Variants in RSRC1 observed in about 807,000 individuals in gnomAD.
The protein encoded by RSRC1 is serine/Arginine-related protein 53.
A neutral mutation model predicts 49.1 loss-of-function variants in RSRC1; 39 were observed. That is an observed-to-expected ratio of 0.79 (90% CI 0.61 to 1.04). The LOEUF (loss-of-function observed/expected upper bound fraction) is 1.04. Among genes scored for constraint, RSRC1 ranks in the 50% least tolerant of loss-of-function variants. The probability of loss-of-function intolerance (pLI) is 0.00; values close to 1 mark genes in which losing one functional copy is unlikely to be tolerated. For synonymous variants in RSRC1, 143 were observed against 130.8 expected (o/e 1.09, Z -0.63); for missense variants, 388 against 402.4 (o/e 0.96, Z 0.31).
intron 4 of RSRC1, among the ~76,000 whole-genome samples, chr3:158,221,396 T>G (rs530307155): frequency 7.9e-4 from 120 of 151,560 alleles, no homozygotes; most frequent in African/African-American, 2.8e-3. Context: ...CATTAGATTC[T>G]GCATTAGAGT....
chr3:158,355,942 A>G (rs1378455718), intron 6 of RSRC1, among the ~76,000 whole-genome samples: 2 of 151,770 alleles, frequency 1.3e-5, no homozygotes, highest in Admixed American at 6.6e-5. Flanking sequence ...ATTTTTTCCT[A>G]TACATACATA....
intron 6 of RSRC1, among the ~76,000 whole-genome samples, chr3:158,403,145 G>A (rs2108311140): frequency 6.6e-6 from 1 of 151,924 alleles, no homozygotes; most frequent in East Asian, 1.9e-4. Context: ...CTCTGACAGA[G>A]CTCTACAATA....
At chr3:158,133,376 A>G (rs1716162100) in intron 3 of RSRC1, among the ~76,000 whole-genome samples, 1 of 152,218 alleles carries the variant, frequency 6.6e-6, no homozygotes, top group Admixed American at 6.5e-5. Context: ...CATATCTTAA[A>G]AGTCAAGAAG....
At chr3:158,391,922 A>G (rs1298688989) in intron 6 of RSRC1, among the ~76,000 whole-genome samples, 1 of 152,108 alleles carries the variant, frequency 6.6e-6, no homozygotes, top group Non-Finnish European at 1.5e-5. Flanking sequence ...TTTATAATGT[A>G]AAGCACAGCT....
chr3:158,383,923 TA>T (rs1182206474), intron 6 of RSRC1, among the ~76,000 whole-genome samples: 4 of 151,960 alleles, frequency 2.6e-5, no homozygotes, highest in Admixed American at 6.6e-5. Context: ...TTTTTGGTAT[TA>T]AAAAAAGAAA....
intron 4 of RSRC1, among the ~76,000 whole-genome samples, chr3:158,232,617 A>G (rs540329022): frequency 2.0e-5 from 3 of 152,176 alleles, no homozygotes; most frequent in Non-Finnish European, 4.4e-5. Context: ...TATGGCTTGT[A>G]TTATAACACC....
At position 158,191,307 on chromosome 3, in the gene RSRC1, A is replaced by G. The variant is rs116401496; in HGVS notation, c.321-11765A>G. On this transcript the variant is annotated intron_variant, in intron 3 of 9. Coordinates refer to ENST00000611884, the MANE Select transcript of RSRC1 (RefSeq NM_001271838.2). ...ATGGAATCCATGTTATTTTTGTTCAATGTGTAATTATTTAATTTTAATTAC... is the reference window on the plus strand; with the variant it reads ...ATGGAATCCATGTTATTTTTGTTCAGTGTGTAATTATTTAATTTTAATTAC... Among the ~76,000 whole-genome samples, 798 of 152,218 alleles carry G rather than the reference A, an allele frequency of 5.2e-3. 12 individuals are homozygous for G. The highest frequency in any genetic ancestry group is 0.018 in the African/African-American group (767 of 41,560).
chr3:158,201,686 C>A (rs1043880480), intron 3 of RSRC1, among the ~76,000 whole-genome samples: 2 of 152,118 alleles, frequency 1.3e-5, no homozygotes, highest in Non-Finnish European at 2.9e-5. Context: ...TTTTCAATTA[C>A]AGAATTTTTT....
chr3:158,162,426 A>G (rs1269173907), intron 3 of RSRC1, among the ~76,000 whole-genome samples: 1 of 152,112 alleles, frequency 6.6e-6, no homozygotes, highest in African/African-American at 2.4e-5. Flanking sequence ...TTTGGTCATT[A>G]GTATCTGTAA....
chr3:158,243,542 C>T (rs1373778767), intron 4 of RSRC1, among the ~76,000 whole-genome samples: 3 of 152,028 alleles, frequency 2.0e-5, no homozygotes, highest in Non-Finnish European at 4.4e-5. Flanking sequence ...TTTTTTGCTT[C>T]CATATTAGTT....
intron 4 of RSRC1, among the ~76,000 whole-genome samples, chr3:158,249,871 A>G (rs1559961525): frequency 6.6e-6 from 1 of 152,096 alleles, no homozygotes; most frequent in Non-Finnish European, 1.5e-5. Flanking sequence ...ATAAATTATT[A>G]ATTACTGTAG....
intron 7 of RSRC1, among the ~76,000 whole-genome samples, chr3:158,464,143 T>G (rs1737758435): frequency 6.6e-6 from 1 of 152,186 alleles, no homozygotes; most frequent in African/African-American, 2.4e-5. Flanking sequence ...TGTATGTGTT[T>G]GAAAATGTTC....
intron 1 of RSRC1, among the ~76,000 whole-genome samples, chr3:158,112,157 A>G (rs1386863301): frequency 1.3e-5 from 2 of 152,190 alleles, no homozygotes; most frequent in African/African-American, 4.8e-5. Flanking sequence ...GATAGATTGA[A>G]AATTGTCAGC....
intron 1 of RSRC1, among the ~76,000 whole-genome samples, chr3:158,116,394 G>A (rs538829632): frequency 8.5e-5 from 13 of 152,196 alleles, no homozygotes; most frequent in African/African-American, 2.4e-4. Flanking sequence ...AATAACCAGC[G>A]TTCTTCAATA....
chr3:158,124,823 T>C (rs1248398282), intron 3 of RSRC1, among the ~76,000 whole-genome samples: 5 of 147,396 alleles, frequency 3.4e-5, no homozygotes, highest in Non-Finnish European at 7.5e-5. Context: ...TTTCTTTCTT[T>C]TTTTTTTTTT....
In RSRC1 at chr3:158,535,475, A is replaced by G. The variant is rs368434632; in HGVS notation, c.653-1617A>G. ...GTTTCCTTCTAAAAGTATGTACTTC[A>G]TATCTCACGTACTGAAGAGGTTCAG... On this transcript the variant is annotated intron_variant, in intron 7 of 9. Coordinates refer to ENST00000611884, the MANE Select transcript of RSRC1 (RefSeq NM_001271838.2). Among the ~76,000 whole-genome samples the G allele has an allele frequency of 2.5e-4, 38 of 151,048 alleles. No individual in the cohort carries two copies. The East Asian group carries it at 4.3e-3, about 17-fold the overall frequency.
chr3:158,520,759 T>G (rs990643765), intron 7 of RSRC1, among the ~76,000 whole-genome samples: 3 of 152,202 alleles, frequency 2.0e-5, no homozygotes, highest in Admixed American at 1.3e-4. Flanking sequence ...ATTGCTAACA[T>G]TGTTATGTGA....
At chr3:158,299,066 A>G (rs1246712521) in intron 5 of RSRC1, among the ~76,000 whole-genome samples, 1 of 152,146 alleles carries the variant, frequency 6.6e-6, no homozygotes, top group Admixed American at 6.5e-5. Flanking sequence ...AATTATTAAA[A>G]AGGAGGATAT....
chr3:158,208,441 G>T (rs957264824), intron 4 of RSRC1, among the ~76,000 whole-genome samples: 4 of 152,118 alleles, frequency 2.6e-5, no homozygotes, highest in Non-Finnish European at 4.4e-5. Flanking sequence ...ATAGCTCACT[G>T]CAACCTTGAA....
Sources: gnomAD v4.1 joint callset for allele counts (sites outside exome capture counted in the v4.1 genomes callset) on GRCh38, gnomAD v4.1.1 for gene constraint, MANE v1.5 for transcripts, NCBI Gene and HGNC (gene_info 2026-07-23, HGNC 2026-07-21) for gene names.